Variants in FAM185A observed in about 807,000 individuals in gnomAD.
FAM185A encodes family with sequence similarity 185 member A, also known as protein FAM185A.
A neutral mutation model predicts 45.7 loss-of-function variants in FAM185A; 21 were observed. The ratio of observed to expected loss-of-function variants is 0.46; its 90% CI spans 0.33 to 0.66. FAM185A has a LOEUF of 0.66. FAM185A is among the 30% of genes least tolerant of loss of function. FAM185A has a pLI of 0.03. For synonymous variants in FAM185A, 117 were observed against 194.0 expected (o/e 0.60, Z 3.30); for missense variants, 305 against 485.4 (o/e 0.63, Z 3.49).
intron 4 of FAM185A, among the ~76,000 whole-genome samples, chr7:102,771,146 G>A (rs1794719473): frequency 6.6e-6 from 1 of 152,052 alleles, no homozygotes; most frequent in Non-Finnish European, 1.5e-5. Context: ...CCTATAAGTG[G>A]GGGGTAAACA....
At chr7:102,779,472 A>T (rs1167876446) in intron 6 of FAM185A, among the ~76,000 whole-genome samples, 2 of 152,216 alleles carry the variant, frequency 1.3e-5, no homozygotes, top group Non-Finnish European at 2.9e-5. Flanking sequence ...AAGTTAGCAC[A>T]CTTGAAACTT....
chr7:102,769,047 T>C (rs576121449), intron 4 of FAM185A, among the ~76,000 whole-genome samples: 1 of 152,328 alleles, frequency 6.6e-6, no homozygotes, highest in African/African-American at 2.4e-5. Context: ...TGTTTTCTAA[T>C]GACTTTAGAA....
At chr7:102,794,589 A>AGTCT (rs1229473896) in intron 7 of FAM185A, among the ~76,000 whole-genome samples, 1 of 152,172 alleles carries the variant, frequency 6.6e-6, no homozygotes, top group African/African-American at 2.4e-5. Context: ...TCTATAACTC[A>AGTCT]GTCTGGCAGT....
chr7:102,787,581 G>A (rs1338666805), intron 7 of FAM185A, 112 bp downstream of exon 7: 12 of 1,184,400 alleles, frequency 1.0e-5, no homozygotes, highest in Non-Finnish European at 1.2e-5. Flanking sequence ...CCATTATTAC[G>A]TCCTCATGTT....
chr7:102,822,868 G>T, the FAM185A span, among the ~76,000 whole-genome samples: 1 of 152,110 alleles, frequency 6.6e-6, no homozygotes, highest in Non-Finnish European at 1.5e-5. Flanking sequence ...AACCCAGTTC[G>T]AGACCAGCCT....
chr7:102,777,049 T>A (rs1357422458), intron 5 of FAM185A, among the ~76,000 whole-genome samples: 2 of 152,190 alleles, frequency 1.3e-5, no homozygotes, highest in African/African-American at 4.8e-5. Context: ...TAAAGATTTT[T>A]AAATTAGTTG....
intron 4 of FAM185A, among the ~76,000 whole-genome samples, chr7:102,765,427 T>C (rs1240902480): frequency 6.6e-6 from 1 of 152,108 alleles, no homozygotes; most frequent in Non-Finnish European, 1.5e-5. Context: ...GGCTTCTAAG[T>C]CTTCCATGAA....
At chr7:102,847,003 T>C in the FAM185A span, among the ~76,000 whole-genome samples, 1 of 152,214 alleles carries the variant, frequency 6.6e-6, no homozygotes, top group African/African-American at 2.4e-5. Flanking sequence ...AAGAATAATA[T>C]TTCATGATTA....
chr7:102,816,020 T>G, the FAM185A span, among the ~76,000 whole-genome samples: 1 of 152,206 alleles, frequency 6.6e-6, no homozygotes, highest in Non-Finnish European at 1.5e-5. Context: ...ATGAGCTGCA[T>G]GTTGAACCCC....
intron 4 of FAM185A, among the ~76,000 whole-genome samples, chr7:102,769,251 C>G (rs2129435910): frequency 6.6e-6 from 1 of 151,902 alleles, no homozygotes; most frequent in East Asian, 1.9e-4. Context: ...TACAGTAGAA[C>G]TCAAACATTC....
intron 3 of FAM185A, among the ~76,000 whole-genome samples, chr7:102,758,273 A>G (rs1793885373): frequency 6.6e-6 from 1 of 152,070 alleles, no homozygotes; most frequent in African/African-American, 2.4e-5. Context: ...ATCACCAGTA[A>G]CTGGATTGGA....
intron 1 of FAM185A, among the ~76,000 whole-genome samples, chr7:102,750,919 G>GT (rs1394901695): frequency 2.0e-5 from 3 of 151,652 alleles, no homozygotes; most frequent in Non-Finnish European, 2.9e-5. Context: ...GTTTGTTTTG[G>GT]TTTTTTTTGA....
At chr7:102,836,838 T>G in the FAM185A span, among the ~76,000 whole-genome samples, 1 of 152,214 alleles carries the variant, frequency 6.6e-6, no homozygotes, top group Non-Finnish European at 1.5e-5. Flanking sequence ...TTAAACCACT[T>G]TGACAGGTGG....
chr7:102,781,258 G>A (rs1490632359), intron 6 of FAM185A, among the ~76,000 whole-genome samples: 2 of 152,220 alleles, frequency 1.3e-5, no homozygotes, highest in African/African-American at 4.8e-5. Flanking sequence ...CCAAACAAAA[G>A]GCAGCAGAAA....
At position 102,749,017 on chromosome 7, in the gene FAM185A, C is replaced by T. The variant is rs1288423941; in HGVS notation, c.-191C>T. 6 of 900,646 alleles carry T rather than the reference C, an allele frequency of 6.7e-6. No homozygotes were observed. Among genetic ancestry groups the T allele is most frequent in the African/African-American group, 1.6e-5 (1 of 61,020 alleles). The allele number at this position is 900,646 out of a possible 1,614,324, so 55.8% of individuals were successfully genotyped here. A position where few individuals can be genotyped will look rare whatever the true frequency, so the allele number is the denominator to read the frequency against. On this transcript the variant is annotated 5_prime_UTR_variant, in exon 1 of 8. Transcript: ENST00000413034. ...AGAGTTTAGAGCTTTCAAATCCCAA[C>T]TTGCCCCTGGGGATTGCGCGGCTGA...
chr7:102,831,680 G>A, the FAM185A span, among the ~76,000 whole-genome samples: 1 of 152,076 alleles, frequency 6.6e-6, no homozygotes, highest in East Asian at 1.9e-4. Flanking sequence ...TGAAGATTGT[G>A]GTGTAAATCA....
the FAM185A span, among the ~76,000 whole-genome samples, chr7:102,843,728 A>G: frequency 6.6e-6 from 1 of 152,300 alleles, no homozygotes; most frequent in Non-Finnish European, 1.5e-5. Flanking sequence ...ATGAGCCAAG[A>G]TCGCGCCACT....
At chr7:102,813,392 C>G (rs1797570955), downstream of FAM185A, 1 of 1,613,904 alleles carries the variant, frequency 6.2e-7, no homozygotes, top group South Asian at 1.1e-5. Context: ...ACTGTTAATT[C>G]TAAGGCTCCT....
intron 2 of FAM185A, among the ~76,000 whole-genome samples, chr7:102,752,389 A>T (rs890470930): frequency 2.6e-5 from 4 of 150,966 alleles, no homozygotes; most frequent in Non-Finnish European, 5.9e-5. Flanking sequence ...CTCCTGCCTC[A>T]GCCTCCCAAG....
Sources: gnomAD v4.1 joint callset for allele counts (sites outside exome capture counted in the v4.1 genomes callset) on GRCh38, gnomAD v4.1.1 for gene constraint, MANE v1.5 for transcripts, NCBI Gene and HGNC (gene_info 2026-07-23, HGNC 2026-07-21) for gene names.